RBFOX1: variants seen among roughly 807,000 people sequenced by gnomAD.
The protein encoded by RBFOX1 is RNA binding protein fox-1 homolog 1.
RBFOX1 carries 8 observed loss-of-function variants against 57.7 expected under a neutral mutation model. The ratio of observed to expected loss-of-function variants is 0.14; its 90% CI spans 0.08 to 0.25. RBFOX1 has a LOEUF of 0.25. Among genes scored for constraint, RBFOX1 ranks in the 10% least tolerant of loss-of-function variants. RBFOX1 has a pLI of 1.00. For synonymous variants in RBFOX1, 326 were observed against 222.4 expected, an observed-to-expected ratio of 1.47 and a Z score of -4.15; for missense variants, 611 against 548.5, an observed-to-expected ratio of 1.11 and a Z score of -1.14.
At chr16:6,229,012 C>G (rs1477946438) in intron 1 of RBFOX1, among the ~76,000 whole-genome samples, 2 of 152,094 alleles carry the variant, frequency 1.3e-5, no homozygotes, top group African/African-American at 4.8e-5. Flanking sequence ...AAATCCCCTG[C>G]TGTGCCCCAC....
intron 2 of RBFOX1, among the ~76,000 whole-genome samples, chr16:6,636,650 G>T (rs571668395): frequency 6.7e-6 from 1 of 150,298 alleles, no homozygotes; most frequent in Non-Finnish European, 1.5e-5. Flanking sequence ...TAAACATTGC[G>T]AAATGCCTCA....
At chr16:6,257,393 C>A (rs1567791421) in intron 1 of RBFOX1, among the ~76,000 whole-genome samples, 1 of 152,014 alleles carries the variant, frequency 6.6e-6, no homozygotes. Flanking sequence ...ACAGCATCAA[C>A]AATATTTGAT....
intron 4 of RBFOX1, among the ~76,000 whole-genome samples, chr16:7,261,431 T>C (rs1922594): frequency 0.48 from 72,533 of 151,952 alleles, 17,604 homozygotes; most frequent in Middle Eastern, 0.56. Flanking sequence ...ATTTGGTGCC[T>C]AATAGTTAAA....
chr16:7,170,390 G>C (rs952033951), intron 4 of RBFOX1, among the ~76,000 whole-genome samples: 1 of 151,972 alleles, frequency 6.6e-6, no homozygotes, highest in Non-Finnish European at 1.5e-5. Flanking sequence ...TCTCACCTCA[G>C]CCTCCTGAGT....
chr16:7,032,988 T>C (rs538425414), intron 3 of RBFOX1, among the ~76,000 whole-genome samples: 1 of 152,158 alleles, frequency 6.6e-6, no homozygotes, highest in African/African-American at 2.4e-5. Flanking sequence ...TAACGCTAAA[T>C]GGCTGGAAAT....
chr16:6,430,245 C>T (rs191670919), intron 2 of RBFOX1, among the ~76,000 whole-genome samples: 14 of 152,226 alleles, frequency 9.2e-5, no homozygotes, highest in Admixed American at 4.6e-4. Flanking sequence ...AGGTTCTCAA[C>T]GTTGTGCTGG....
chr16:7,540,315 A>G (rs1035345584), intron 5 of RBFOX1, among the ~76,000 whole-genome samples: 1 of 152,146 alleles, frequency 6.6e-6, no homozygotes, highest in African/African-American at 2.4e-5. Flanking sequence ...GTACCTGAAA[A>G]TAATGCAATA....
intron 3 of RBFOX1, among the ~76,000 whole-genome samples, chr16:6,700,547 A>G (rs1051472305): frequency 1.3e-5 from 2 of 152,106 alleles, no homozygotes; most frequent in Non-Finnish European, 2.9e-5. Flanking sequence ...AATCTCAGCT[A>G]TTCAGGAGGC....
chr16:6,843,097 T>C (rs932653021), intron 3 of RBFOX1, among the ~76,000 whole-genome samples: 1 of 152,162 alleles, frequency 6.6e-6, no homozygotes, highest in African/African-American at 2.4e-5. Flanking sequence ...AGATTTACTA[T>C]TGTAAATAGG....
intron 4 of RBFOX1, chr16:7,422,969 C>G (rs928385562): frequency 6.6e-6 from 1 of 152,302 alleles, no homozygotes; most frequent in Non-Finnish European, 1.5e-5. Flanking sequence ...GAGATATCCA[C>G]TAGTCCTTTA....
chr16:6,999,904 T>C (rs911484847), intron 3 of RBFOX1, among the ~76,000 whole-genome samples: 6 of 151,854 alleles, frequency 4.0e-5, no homozygotes, highest in Non-Finnish European at 7.4e-5. Flanking sequence ...AAACCCTGTC[T>C]TTACTAAAAA....
intron 3 of RBFOX1, among the ~76,000 whole-genome samples, chr16:5,700,828 C>T (rs148930987): frequency 6.6e-6 from 1 of 152,088 alleles, no homozygotes; most frequent in South Asian, 2.1e-4. Context: ...AATTTGGGTC[C>T]CACACCCATC....
At chr16:5,854,054 C>G (rs533345456) in intron 3 of RBFOX1, among the ~76,000 whole-genome samples, 1 of 152,278 alleles carries the variant, frequency 6.6e-6, no homozygotes, top group East Asian at 1.9e-4. Flanking sequence ...TTGAGGCAGA[C>G]TTGACAAAGA....
chr16:5,756,108 A>G (rs2053384105), intron 3 of RBFOX1, among the ~76,000 whole-genome samples: 1 of 151,678 alleles, frequency 6.6e-6, no homozygotes, highest in African/African-American at 2.4e-5. Context: ...ACTAGGAGAG[A>G]TACAAAGCTA....
intron 4 of RBFOX1, among the ~76,000 whole-genome samples, chr16:7,367,214 C>T (rs984906969): frequency 2.1e-4 from 32 of 152,262 alleles, no homozygotes; most frequent in Admixed American, 7.2e-4. Context: ...CCCCATCTTA[C>T]TGTTTGCAAA....
chr16:5,297,391 C>T (rs965368229), intron 1 of RBFOX1, among the ~76,000 whole-genome samples: 1 of 152,306 alleles, frequency 6.6e-6, no homozygotes, highest in South Asian at 2.1e-4. Flanking sequence ...CTCTTGCATC[C>T]TCACCAACAC....
intron 4 of RBFOX1, among the ~76,000 whole-genome samples, chr16:7,511,731 C>T (rs1467760741): frequency 6.6e-6 from 1 of 152,004 alleles, no homozygotes. Flanking sequence ...TGACAGGTTT[C>T]CATCATCCTG....
chr16:6,074,456 T>A (rs2152492631), intron 1 of RBFOX1, among the ~76,000 whole-genome samples: 1 of 152,310 alleles, frequency 6.6e-6, no homozygotes. Flanking sequence ...ATCTCTTTGG[T>A]TGGTTCTACC....
Position 7,112,679 on chromosome 16 carries a change from G to GTGTGTGTGTGTGTGTGTGTGTGTGT in RBFOX1, c.27+60581_27+60582insTGTGTGTGTGTGTGTGTGTGTGTGT, listed in dbSNP as rs369771164. Among the ~76,000 whole-genome samples, 116 of 141,986 alleles carry GTGTGTGTGTGTGTGTGTGTGTGTGT rather than the reference G, an allele frequency of 8.2e-4. 2 individuals carry two copies. The highest frequency in any genetic ancestry group is 1.3e-3 in the Non-Finnish European group (85 of 64,906). The allele number at this position is 141,986 out of a possible 152,430, so 93.1% of individuals were successfully genotyped here. On this transcript the variant is annotated intron_variant, in intron 4 of 15. Coordinates refer to ENST00000550418, the MANE Select transcript of RBFOX1 (RefSeq NM_018723.4). ...TATGTAAACTCTGTGTGTGTGTGTG[G>GTGTGTGTGTGTGTGTGTGTGTGTGT]GTGTGGGTGTGTCTCTCTGTCTGTC... is the stretch of plus-strand genomic sequence containing the variant.
Sources: gnomAD v4.1 joint callset for allele counts (sites outside exome capture counted in the v4.1 genomes callset) on GRCh38, gnomAD v4.1.1 for gene constraint, MANE v1.5 for transcripts, NCBI Gene and HGNC (gene_info 2026-07-23, HGNC 2026-07-21) for gene names.